The following NRXN3 variants were observed in gnomAD, a reference collection of about 807,000 sequenced individuals.
NRXN3 encodes neurexin III.
A neutral mutation model predicts 137.6 loss-of-function variants in NRXN3; 32 were observed. The observed-to-expected ratio is 0.23, with a 90% CI of 0.18 to 0.31. NRXN3 has a LOEUF of 0.31. Ranked by LOEUF, NRXN3 falls within the 10% of genes least tolerant of loss-of-function variation. NRXN3 has a pLI of 1.00. For missense variants in NRXN3, 1,574 were observed against 2,062.5 expected (o/e 0.76, Z 4.59); for synonymous variants, 798 against 784.5 (o/e 1.02, Z -0.29).
chr14:79,427,509 G>A (rs1044316947), intron 15 of NRXN3, among the ~76,000 whole-genome samples: 4 of 151,944 alleles, frequency 2.6e-5, no homozygotes, highest in Non-Finnish European at 5.9e-5. Context: ...ACATGTAAAT[G>A]AATGGTGAGT....
chr14:78,992,680 T>C (rs745808715), intron 15 of NRXN3, among the ~76,000 whole-genome samples: 9 of 152,212 alleles, frequency 5.9e-5, no homozygotes, highest in Non-Finnish European at 8.8e-5. Context: ...AGGGTTGTCA[T>C]TTTTATGGAC....
intron 15 of NRXN3, among the ~76,000 whole-genome samples, chr14:78,997,135 C>T (rs2099531693): frequency 1.3e-5 from 2 of 152,126 alleles, no homozygotes; most frequent in Admixed American, 1.3e-4. Flanking sequence ...TCACAACCCT[C>T]CCTGAAAATA....
intron 15 of NRXN3, among the ~76,000 whole-genome samples, chr14:79,438,838 C>A (rs1278503795): frequency 2.0e-5 from 3 of 152,136 alleles, no homozygotes; most frequent in African/African-American, 7.2e-5. Context: ...GAGAAAGGTG[C>A]CATTGAGCCT....
chr14:79,669,675 C>T (rs74063759), intron 17 of NRXN3, among the ~76,000 whole-genome samples: 4,588 of 152,092 alleles, frequency 0.03, 81 homozygotes, highest in Non-Finnish European at 0.041. Context: ...TGCCAGTGCT[C>T]GGGCACTGGT....
At chr14:78,268,259 A>G (rs543115413) in intron 2 of NRXN3, among the ~76,000 whole-genome samples, 3 of 151,710 alleles carry the variant, frequency 2.0e-5, no homozygotes, top group African/African-American at 7.3e-5. Flanking sequence ...AATTTACTGG[A>G]CCACCGTTTT....
chr14:78,883,508 A>C (rs934532096), intron 10 of NRXN3, among the ~76,000 whole-genome samples: 6 of 152,244 alleles, frequency 3.9e-5, no homozygotes, highest in African/African-American at 1.4e-4. Flanking sequence ...CTGGGAAAAC[A>C]GAAGGCAAAA....
At chr14:78,349,407 A>G (rs969790449) in intron 4 of NRXN3, among the ~76,000 whole-genome samples, 1 of 152,204 alleles carries the variant, frequency 6.6e-6, no homozygotes, top group Non-Finnish European at 1.5e-5. Context: ...GCCTATTCCC[A>G]TCAGGATATT....
At chr14:78,729,490 G>T (rs2098504109) in intron 8 of NRXN3, among the ~76,000 whole-genome samples, 1 of 152,156 alleles carries the variant, frequency 6.6e-6, no homozygotes, top group Non-Finnish European at 1.5e-5. Context: ...GTAAATTCAG[G>T]ATTGAGAAAA....
intron 1 of NRXN3, among the ~76,000 whole-genome samples, chr14:78,225,555 G>A (rs947419428): frequency 6.6e-6 from 1 of 151,952 alleles, no homozygotes. Context: ...TAGGTTGCCT[G>A]TTCACTCTGA....
At chr14:78,501,272 T>G (rs1012373811) in intron 4 of NRXN3, among the ~76,000 whole-genome samples, 1 of 152,168 alleles carries the variant, frequency 6.6e-6, no homozygotes, top group South Asian at 2.1e-4. Context: ...AAGGCTGCAG[T>G]CATCCTAAGG....
chr14:79,704,500 C>A (rs1485174844), intron 19 of NRXN3, among the ~76,000 whole-genome samples: 21 of 152,160 alleles, frequency 1.4e-4, no homozygotes. Flanking sequence ...AAGGAATCTA[C>A]ACAGTTTTCA....
intron 16 of NRXN3, among the ~76,000 whole-genome samples, chr14:79,506,593 C>T (rs535692319): frequency 1.6e-4 from 24 of 152,134 alleles, no homozygotes; most frequent in Non-Finnish European, 2.9e-4. Flanking sequence ...ACTCCTTTGT[C>T]ATTTTAAATT....
At chr14:79,353,191 AT>A (rs201883488) in intron 15 of NRXN3, among the ~76,000 whole-genome samples, 3 of 151,490 alleles carry the variant, frequency 2.0e-5, no homozygotes, top group African/African-American at 4.8e-5. Flanking sequence ...ATTCAATATA[AT>A]TTTTTTTTCT....
At chr14:79,599,514 T>G (rs2097899948) in intron 16 of NRXN3, among the ~76,000 whole-genome samples, 1 of 152,196 alleles carries the variant, frequency 6.6e-6, no homozygotes. Context: ...AAACAAAACC[T>G]TCCTTCATGA....
At chr14:78,943,394 A>G (rs998826464) in intron 10 of NRXN3, among the ~76,000 whole-genome samples, 3 of 151,528 alleles carry the variant, frequency 2.0e-5, no homozygotes, top group Non-Finnish European at 2.9e-5. Context: ...TGGAGGGCAG[A>G]GGAACCTGGG....
intron 15 of NRXN3, among the ~76,000 whole-genome samples, chr14:79,236,571 G>A: frequency 6.6e-6 from 1 of 152,030 alleles, no homozygotes; most frequent in East Asian, 1.9e-4. Flanking sequence ...TATATCTCAG[G>A]GTAGAAAAAT....
chr14:78,245,675 T>A (rs1200737283), intron 2 of NRXN3, among the ~76,000 whole-genome samples: 1 of 152,222 alleles, frequency 6.6e-6, no homozygotes, highest in African/African-American at 2.4e-5. Context: ...TGGTACCTGC[T>A]GGAGACTGGA....
intron 6 of NRXN3, among the ~76,000 whole-genome samples, chr14:78,688,762 A>T (rs566961591): frequency 4.6e-5 from 7 of 152,152 alleles, no homozygotes; most frequent in Non-Finnish European, 1.0e-4. Flanking sequence ...AGACATAGAG[A>T]AAAACCAGTG....
chr14:78,265,848 T>C (rs1056890108), intron 2 of NRXN3, among the ~76,000 whole-genome samples: 7 of 152,204 alleles, frequency 4.6e-5, no homozygotes, highest in African/African-American at 1.7e-4. Flanking sequence ...CTGATCACAA[T>C]GATAATTAAT....
Sources: allele counts gnomAD v4.1 joint callset (sites outside exome capture counted in the v4.1 genomes callset), GRCh38; gene constraint gnomAD v4.1.1; transcripts MANE v1.5; gene names NCBI Gene and HGNC (gene_info 2026-07-23, HGNC 2026-07-21).